The following HYCC1 variants were observed in gnomAD, a reference collection of about 807,000 sequenced individuals.
HYCC1 encodes hyccin PI4KA lipid kinase complex subunit 1.
the HYCC1 span, among the ~76,000 whole-genome samples, chr7:22,954,888 G>C: frequency 6.6e-6 from 1 of 151,368 alleles, no homozygotes; most frequent in Non-Finnish European, 1.5e-5. Context: ...AAAGTATCTT[G>C]TTTATAAACA....
At chr7:22,964,898 G>T in the HYCC1 span, among the ~76,000 whole-genome samples, 2 of 151,964 alleles carry the variant, frequency 1.3e-5, no homozygotes, top group South Asian at 2.1e-4. Flanking sequence ...ACTTTGGGAG[G>T]CCAAGGCAGG....
chr7:22,966,658 C>G, the HYCC1 span, among the ~76,000 whole-genome samples: 1 of 152,182 alleles, frequency 6.6e-6, no homozygotes, highest in African/African-American at 2.4e-5. Context: ...ACTCTTCCCC[C>G]GCACTGACTA....
At chr7:22,960,341 T>C in the HYCC1 span, 3 of 1,613,400 alleles carry the variant, frequency 1.9e-6, no homozygotes, top group Non-Finnish European at 2.5e-6. Context: ...TGATTTCAAC[T>C]TGAATACACC....
the HYCC1 span, among the ~76,000 whole-genome samples, chr7:22,987,831 T>C: frequency 6.6e-6 from 1 of 152,120 alleles, no homozygotes. Context: ...AAAGGGTTTC[T>C]TTCAGTTCAC....
chr7:22,900,791 TC>T, the HYCC1 span, among the ~76,000 whole-genome samples: 2 of 152,162 alleles, frequency 1.3e-5, no homozygotes, highest in African/African-American at 4.8e-5. Flanking sequence ...ATGTTAATGA[TC>T]TAAACACATT....
the HYCC1 span, among the ~76,000 whole-genome samples, chr7:22,930,380 AG>A: frequency 2.8e-3 from 356 of 127,986 alleles, 1 homozygote; most frequent in African/African-American, 8.3e-3. Flanking sequence ...CAAAGTAAAA[AG>A]AAAAAGAAAA....
At chr7:22,939,608 C>A in the HYCC1 span, 1 of 152,122 alleles carries the variant, frequency 6.6e-6, no homozygotes, top group Non-Finnish European at 1.5e-5. Context: ...TTTTATCTTA[C>A]CTTAAAACTA....
chr7:22,959,435 T>C, the HYCC1 span, among the ~76,000 whole-genome samples: 13 of 151,852 alleles, frequency 8.6e-5, no homozygotes, highest in Non-Finnish European at 1.8e-4. Context: ...AAGAAGAAAA[T>C]AGAGAATGGA....
the HYCC1 span, among the ~76,000 whole-genome samples, chr7:22,906,473 G>T: frequency 2.6e-5 from 4 of 152,006 alleles, no homozygotes; most frequent in African/African-American, 9.7e-5. Flanking sequence ...AGCTACTTGG[G>T]AGGCTGAGGC....
the HYCC1 span, among the ~76,000 whole-genome samples, chr7:23,011,855 T>C: frequency 6.6e-6 from 1 of 152,196 alleles, no homozygotes; most frequent in East Asian, 1.9e-4. Context: ...GGCAAAATCA[T>C]ATCATCCTTC....
At chr7:22,999,193 T>C in the HYCC1 span, among the ~76,000 whole-genome samples, 2 of 152,226 alleles carry the variant, frequency 1.3e-5, no homozygotes, top group African/African-American at 4.8e-5. Context: ...TAATATGTTA[T>C]GTATTTCACT....
the HYCC1 span, among the ~76,000 whole-genome samples, chr7:22,997,070 A>G: frequency 6.1e-4 from 93 of 152,276 alleles, no homozygotes; most frequent in Non-Finnish European, 1.2e-3. Context: ...CACTAGCCCA[A>G]TAAGTCTGTA....
the HYCC1 span, chr7:22,938,900 T>G: frequency 2.6e-5 from 4 of 152,084 alleles, no homozygotes; most frequent in Non-Finnish European, 5.9e-5. Flanking sequence ...AAAAAAAAAT[T>G]TCCTAATGCA....
chr7:22,983,728 A>T, the HYCC1 span: 1 of 524,372 alleles, frequency 1.9e-6, no homozygotes, highest in South Asian at 2.3e-5. Context: ...AGCTACCTCT[A>T]GCGAGAGAGA....
At chr7:22,940,797 T>A in the HYCC1 span, 1 of 151,670 alleles carries the variant, frequency 6.6e-6, no homozygotes, top group African/African-American at 2.4e-5. Flanking sequence ...TCAAGAGATA[T>A]AGACTCTTTC....
chr7:23,003,103 C>T, the HYCC1 span, among the ~76,000 whole-genome samples: 4 of 152,140 alleles, frequency 2.6e-5, no homozygotes, highest in Non-Finnish European at 2.9e-5. Context: ...TTCTGAGGTA[C>T]TGGGGGTTAG....
chr7:22,986,451 G>GGTA, the HYCC1 span, among the ~76,000 whole-genome samples: 2 of 152,222 alleles, frequency 1.3e-5, no homozygotes, highest in African/African-American at 4.8e-5. Flanking sequence ...CTAGTTCAAA[G>GGTA]GTAGTGACCT....
chr7:22,937,990 T>C, the HYCC1 span: 1 of 152,210 alleles, frequency 6.6e-6, no homozygotes, highest in Non-Finnish European at 1.5e-5. Flanking sequence ...TATTGACTTA[T>C]AATCTTTGAA....
the HYCC1 span, among the ~76,000 whole-genome samples, chr7:22,963,312 G>A: frequency 2.0e-5 from 3 of 152,218 alleles, no homozygotes; most frequent in African/African-American, 7.2e-5. Flanking sequence ...TAGTGGAAAA[G>A]ACGGACAACA....
Sources: allele counts gnomAD v4.1 joint callset (sites outside exome capture counted in the v4.1 genomes callset), GRCh38; gene constraint gnomAD v4.1.1; transcripts MANE v1.5; gene names NCBI Gene and HGNC (gene_info 2026-07-23, HGNC 2026-07-21).